The following HYI variants were observed in gnomAD, a reference collection of about 807,000 sequenced individuals.
The protein encoded by HYI is putative hydroxypyruvate isomerase.
Under a neutral mutation model 39.7 loss-of-function variants are expected in HYI, and 47 were observed. The observed-to-expected ratio is 1.18, with a 90% CI of 0.94 to 1.51. HYI has a LOEUF of 1.51. Among genes scored for constraint, HYI ranks in the 40% most tolerant of loss-of-function variants. The pLI is 0.00. For missense variants in HYI, 465 were observed against 370.3 expected, an observed-to-expected ratio of 1.26 and a Z score of -2.10; for synonymous variants, 186 against 158.8, an observed-to-expected ratio of 1.17 and a Z score of -1.29.
At position 43,451,421 on chromosome 1, in the gene HYI, TACTC is replaced by T. The variant is rs762283123; in HGVS notation, c.745_748del (p.Glu249IlefsTer8). On this transcript the variant is annotated frameshift_variant, in exon 7 of 8. Transcript: ENST00000372430. LOFTEE classifies it high-confidence loss of function. ...GGGCCACGCCTCACCTCGAGGCTGA[TACTC>T]ACAGCCCACGAAGCCTTTGTAGCCT... is the stretch of plus-strand genomic sequence containing the variant. 62 of 1,613,104 alleles carry T rather than the reference TACTC, an allele frequency of 3.8e-5. No homozygotes were observed. The highest frequency in any genetic ancestry group is 6.7e-5 in the East Asian group (3 of 44,886).
chr1:43,452,148 C>A, intron 3 of HYI, 57 bp downstream of exon 3: 2 of 1,515,896 alleles, frequency 1.3e-6, no homozygotes, highest in Non-Finnish European at 1.8e-6. Flanking sequence ...CTGTGCACCC[C>A]CTTCTCCGCA....
intron 2 of HYI, chr1:43,452,552 T>C: frequency 1.6e-6 from 1 of 629,172 alleles, no homozygotes; most frequent in East Asian, 2.8e-5. Context: ...TCCAGTACTT[T>C]CCAAAACCTT....
chr1:43,452,481 G>C (rs1656553536), intron 2 of HYI, 162 bp from the exon 3 acceptor site: 1 of 709,464 alleles, frequency 1.4e-6, no homozygotes. Context: ...AGACACTTCA[G>C]TGATGGCTGA....
chr1:43,451,685 G>A lies in HYI; in HGVS notation c.588C>T (p.Asn196=). The change falls in exon 6 of 8, where the codon AAC becomes AAT. Residue 196 remains asparagine, a synonymous_variant. Coordinates refer to ENST00000372430, the MANE Select transcript of HYI (RefSeq NM_001190880.3). ...DIFHWQIMDG[N]LTGNIREFLP... is the part of the protein sequence containing the mutation. Reference sequence around the variant, plus strand: ...GGAACTCCCGGATGTTTCCTGTCAGGTTCCCATCCATGATCTGCCAGTGGA... The same window carrying A: ...GGAACTCCCGGATGTTTCCTGTCAGATTCCCATCCATGATCTGCCAGTGGA... 1 of 1,614,192 alleles carries A rather than the reference G, an allele frequency of 6.2e-7. No homozygotes were observed. Among genetic ancestry groups the A allele is most frequent in the Non-Finnish European group, 8.5e-7 (1 of 1,180,024 alleles).
rs537137556 is a variant in HYI, at chr1:43,451,260, C to G, written c.812G>C (p.Gly271Ala). Residue 271 changes from glycine (G) to alanine (A), a missense_variant, in exon 8 of 8, where the codon GGC (glycine) becomes GCC (alanine). Coordinates refer to ENST00000372430, the MANE Select transcript of HYI (RefSeq NM_001190880.3). ...CCCTCACTGGCCAGCCTCTGGGTGG[C>G]CCCGCCTATCCCAGTATGAACGTAG... ...SWLRSYWDRR[G>A]HPEAGQ 5 of 1,613,914 alleles carry G rather than the reference C, an allele frequency of 3.1e-6. No homozygotes were observed. The Admixed American group carries it at 8.3e-5, about 27-fold the overall frequency.
chr1:43,453,225 GATAAA>G (rs2153938560), intron 2 of HYI, 156 bp downstream of exon 2: 2 of 639,852 alleles, frequency 3.1e-6, no homozygotes, highest in East Asian at 2.7e-5. Flanking sequence ...GCATAAGACA[GATAAA>G]ATACAAAAGG....
intron 2 of HYI, chr1:43,452,704 ATC>A: frequency 1.6e-6 from 1 of 615,322 alleles, no homozygotes; most frequent in Non-Finnish European, 2.9e-6. Context: ...GCCTTTTCCC[ATC>A]TGTTTTCTGC....
chr1:43,453,171 G>A, intron 2 of HYI: 1 of 654,248 alleles, frequency 1.5e-6, no homozygotes, highest in Non-Finnish European at 2.7e-6. Flanking sequence ...TCCCAGCATG[G>A]GATCCCAGCA....
chr1:43,453,652 G>T lies in HYI; in HGVS notation c.142C>A (p.Leu48Met). The change falls in exon 1 of 8, where the codon CTG becomes ATG. Residue 48 changes from leucine (L) to methionine (M), a missense_variant. Coordinates refer to ENST00000372430, the MANE Select transcript of HYI (RefSeq NM_001190880.3). ...AWPYAETPEA[L>M]ARAAREAGLR... is the part of the protein sequence containing the mutation. ...CCCGCTTCTCGCGCGGCGCGCGCCA[G>T]CGCCTCAGGCGTCTCCGCGTACGGC... is the stretch of plus-strand genomic sequence containing the variant. 1 of 1,486,576 alleles carries T rather than the reference G, an allele frequency of 6.7e-7. No individual in the cohort carries two copies. The highest frequency in any genetic ancestry group is 8.9e-7 in the Non-Finnish European group (1 of 1,126,012). The allele number at this position is 1,486,576 out of a possible 1,614,324, so 92.1% of individuals were successfully genotyped here.
rs1656567198 is a variant in HYI at position 43,452,606 on chromosome 1, C to T, written c.312-287G>A. 5 of 597,500 alleles carry T rather than the reference C, an allele frequency of 8.4e-6. No individual in the cohort carries two copies. In the South Asian group the frequency reaches 9.8e-5, roughly 12 times the overall value. 37.0% of individuals were successfully genotyped at this position (597,500 alleles called of 1,614,324 possible). A position where few individuals can be genotyped will look rare whatever the true frequency, so the allele number is the denominator to read the frequency against. ...TCCGCAACCTGTAACCTGCTAAATT[C>T]TCACCTTTAAAAATTGTCCTGACCT... On this transcript the variant is annotated intron_variant, in intron 2 of 7. Transcript: ENST00000372430.
Position 43,452,330 on chromosome 1 carries a change from G to A in HYI, c.312-11C>T. On this transcript the variant is annotated splice_polypyrimidine_tract_variant and intron_variant, in intron 2 of 7. Coordinates refer to ENST00000372430, the MANE Select transcript of HYI (RefSeq NM_001190880.3). The stretch of plus-strand genomic sequence containing the variant: ...GCCATCAGGTGGATCCTGTGGGGAA[G>A]ATGGACTGGAGGCCTTGCCTCCCTT... 1 of 1,605,130 alleles carries A rather than the reference G, an allele frequency of 6.2e-7. No homozygotes were observed.
At position 43,451,847 on chromosome 1, in the gene HYI, G is replaced by T; in HGVS notation, c.506C>A (p.Ala169Glu). Residue 169 changes from alanine to glutamate, a missense_variant and splice_region_variant, in exon 5 of 8, where the codon GCG becomes GAG. Physicochemically the swap from Ala to Glu is moderately radical, Grantham distance 107 (BLOSUM62 -1). Coordinates refer to ENST00000372430, the MANE Select transcript of HYI (RefSeq NM_001190880.3). The part of the protein sequence containing the change: ...PQYFLDTPQQ[A>E]AAILQKVGRP... ...TCCTACCTTCTGTAAGATGGCTGCC[G>T]CTGTAAGAGAAGCCAGGGAGGGGAC... The T allele has an allele frequency of 6.2e-7, 1 of 1,613,978 alleles. No homozygotes were observed. Among genetic ancestry groups the T allele is most frequent in the Non-Finnish European group, 8.5e-7 (1 of 1,179,934 alleles).
chr1:43,451,268 A>G lies in HYI; in HGVS notation c.804T>C (p.Asp268=), dbSNP rs62620015. 4.3e-6 allele frequency: 7 copies of G among 1,613,994 alleles called. 1 individual carries two copies. Among genetic ancestry groups the G allele is most frequent in the Non-Finnish European group, 5.1e-6 (6 of 1,179,982 alleles). The change falls in exon 8 of 8, where the codon GAT becomes GAC. Residue 268 remains aspartate, a synonymous_variant. Transcript: ENST00000372430. ...EGLSWLRSYW[D]RRGHPEAGQ ...GGCCAGCCTCTGGGTGGCCCCGCCT[A>G]TCCCAGTATGAACGTAGCCAACTCA...
At chr1:43,452,047 C>A in intron 3 of HYI, 34 bp from the exon 4 acceptor site, 2 of 1,583,402 alleles carry the variant, frequency 1.3e-6, no homozygotes, top group Non-Finnish European at 8.6e-7. Flanking sequence ...AATAGAGCTC[C>A]TTCCCAAGTT....
Position 43,453,389 on chromosome 1 carries a change from G to C in HYI, c.308C>G (p.Pro103Arg). 1.9e-6 allele frequency: 3 copies of C among 1,550,438 alleles called. No homozygotes were observed. The highest frequency in any genetic ancestry group is 2.6e-6 in the Non-Finnish European group (3 of 1,145,624). ...AVRYAKALGCPRIHLMAGRVP... is the reference protein window; with the variant it reads ...AVRYAKALGCRRIHLMAGRVP... ...GGGGTGGGGTGGAGCGGGGTACCTG[G>C]GACAGCCCAGGGCTTTGGCATACCG... Residue 103 changes from proline (P) to arginine (R), a missense_variant, in exon 2 of 8, where the codon CCC becomes CGC. Coordinates refer to ENST00000372430, the MANE Select transcript of HYI (RefSeq NM_001190880.3).
chr1:43,451,431 C>T lies in HYI; in HGVS notation c.739G>A (p.Gly247Ser), dbSNP rs1656402903. 1 of 1,613,546 alleles carries T rather than the reference C, an allele frequency of 6.2e-7. No homozygotes were observed. The highest frequency in any genetic ancestry group is 8.5e-7 in the Non-Finnish European group (1 of 1,180,026). Residue 247 changes from glycine (G) to serine (S), a missense_variant, in exon 7 of 8, where the codon GGC becomes AGC. Transcript: ENST00000372430. ...TCACCTCGAGGCTGATACTCACAGC[C>T]CACGAAGCCTTTGTAGCCTTCATCT... is the stretch of plus-strand genomic sequence containing the variant. The part of the protein sequence containing the change: ...LEDEGYKGFV[G>S]CEYQPRGDTV...
rs756262714 is a variant in HYI at position 43,451,956 on chromosome 1, A to C, written c.484T>G (p.Phe162Val). The C allele has an allele frequency of 6.2e-7, 1 of 1,612,170 alleles. No individual in the cohort carries two copies. The change falls in exon 4 of 8, where the codon TTC (phenylalanine) becomes GTC (valine). Residue 162 changes from phenylalanine (F) to valine (V), a missense_variant. Coordinates refer to ENST00000372430, the MANE Select transcript of HYI (RefSeq NM_001190880.3). ...INTRITDPQY[F>V]LDTPQQAAAI... ...GTACCCTGCTGGGGCGTGTCCAGGA[A>C]GTACTGGGGGTCAGTGATGCGGGTG... is the stretch of plus-strand genomic sequence containing the variant.
At position 43,453,893 on chromosome 1, in the gene HYI, G is replaced by A. The variant is rs146338100; in HGVS notation, c.-100C>T. The A allele has an allele frequency of 6.7e-4, 817 of 1,223,994 alleles. 5 individuals carry two copies. In the African/African-American group the frequency reaches 0.012, roughly 18 times the overall value. The allele number at this position is 1,223,994 out of a possible 1,614,324, so 75.8% of individuals were successfully genotyped here. On this transcript the variant is annotated 5_prime_UTR_variant, in exon 1 of 8. Transcript: ENST00000372430. The stretch of plus-strand genomic sequence containing the variant: ...GGGCGGGGCTCTCCTTGCTGGCCCT[G>A]CGAACGAACGAGCACTGTTCGTGGT...
chr1:43,452,138 C>G (rs776994602), intron 3 of HYI, 67 bp downstream of exon 3: 8 of 1,501,346 alleles, frequency 5.3e-6, no homozygotes, highest in African/African-American at 1.4e-5. Context: ...GCTGTCCCCA[C>G]TGTGCACCCC....
Sources: gnomAD v4.1 joint callset for allele counts on GRCh38, gnomAD v4.1.1 for gene constraint, MANE v1.5 for transcripts, NCBI Gene and HGNC (gene_info 2026-07-23, HGNC 2026-07-21) for gene names.